Variants in COL27A1 observed in about 807,000 individuals in gnomAD.
The protein encoded by COL27A1 is collagen type XXVII alpha 1 chain.
A neutral mutation model predicts 251.3 loss-of-function variants in COL27A1; 106 were observed. The observed-to-expected ratio is 0.42, with a 90% CI of 0.36 to 0.50. COL27A1 has a LOEUF of 0.50. Among genes scored for constraint, COL27A1 ranks in the 20% least tolerant of loss-of-function variants. The pLI, the probability that COL27A1 is intolerant of heterozygous loss-of-function variation, is 0.00. For synonymous variants in COL27A1, 1,000 were observed against 986.3 expected, an observed-to-expected ratio of 1.01 and a Z score of -0.26; for missense variants, 2,325 against 2,522.8, an observed-to-expected ratio of 0.92 and a Z score of 1.68.
At chr9:114,263,470 C>T (rs1446102926) in intron 28 of COL27A1, among the ~76,000 whole-genome samples, 1 of 151,990 alleles carries the variant, frequency 6.6e-6, no homozygotes, top group Admixed American at 6.6e-5. Context: ...ACAGCCTGCT[C>T]TGTTTTCCAC....
chr9:114,292,080 A>G, intron 48 of COL27A1, 23 bp from the exon 49 acceptor site: 5 of 1,547,806 alleles, frequency 3.2e-6, no homozygotes, highest in Non-Finnish European at 4.4e-6. Flanking sequence ...TTTGACTGGT[A>G]ATTTTTTGTG....
chr9:114,207,865 A>G (rs1401259213), intron 10 of COL27A1, among the ~76,000 whole-genome samples: 1 of 152,146 alleles, frequency 6.6e-6, no homozygotes, highest in Non-Finnish European at 1.5e-5. Flanking sequence ...ATGGCAGTAA[A>G]TGGCACTCTT....
rs1834663430 is a variant in COL27A1 at position 114,265,324 on chromosome 9, G to A, written c.3340-98G>A. ...TTCCCATCTGTCACCCGGTGTGGGA[G>A]GAGGGGACCCAAATACACTAGGATG... On this transcript the variant is annotated intron_variant, in intron 31 of 60. Coordinates refer to ENST00000356083, the MANE Select transcript of COL27A1 (RefSeq NM_032888.4). The A allele has an allele frequency of 5.4e-6, 7 of 1,305,122 alleles. No homozygotes were observed. In the Admixed American group the frequency reaches 9.6e-5, roughly 18 times the overall value. 80.8% of individuals were successfully genotyped at this position (1,305,122 alleles called of 1,614,324 possible). A position where few individuals can be genotyped will look rare whatever the true frequency, so the allele number is the denominator to read the frequency against.
chr9:114,172,001 T>C (rs2808777), intron 3 of COL27A1, among the ~76,000 whole-genome samples: 38,582 of 152,022 alleles, frequency 0.25, 5,139 homozygotes, highest in Middle Eastern at 0.4. Context: ...TGGCCAGGGC[T>C]GAGGCTCTTT....
chr9:114,288,847 G>A, intron 43 of COL27A1, 67 bp from the exon 44 acceptor site: 1 of 1,607,170 alleles, frequency 6.2e-7, no homozygotes, highest in South Asian at 1.1e-5. Flanking sequence ...AACTTCCCAG[G>A]CTTCTGTGCT....
intron 49 of COL27A1, 48 bp from the exon 50 acceptor site, chr9:114,300,022 C>A: frequency 6.2e-7 from 1 of 1,601,398 alleles, no homozygotes; most frequent in Non-Finnish European, 8.6e-7. Context: ...TGGCGGGACA[C>A]GCTGACCATG....
chr9:114,167,954 C>G lies in COL27A1; in HGVS notation c.399C>G (p.Gly133=), dbSNP rs140539074. The G allele has an allele frequency of 6.2e-7, 1 of 1,608,476 alleles. No individual in the cohort carries two copies. Among genetic ancestry groups the G allele is most frequent in the East Asian group, 2.2e-5 (1 of 44,852 alleles). The change falls in exon 3 of 61, where the codon GGC becomes GGG. Residue 133 remains glycine (G), a synonymous_variant. Transcript: ENST00000356083. ...KLQLGLQFLP[G]KTVVHLGSRR... ...AGCTGGGCCTGCAGTTCCTCCCCGG[C>G]AAGACGGTCGTCCACCTCGGGTCCC...
intron 12 of COL27A1, chr9:114,217,725 A>G (rs914531812): frequency 4.3e-6 from 2 of 467,662 alleles, no homozygotes; most frequent in Non-Finnish European, 8.9e-6. Flanking sequence ...GCCCAGCCAG[A>G]CAACATTGCC....
chr9:114,248,334 A>G (rs1002366463), intron 24 of COL27A1, among the ~76,000 whole-genome samples: 31 of 152,230 alleles, frequency 2.0e-4, no homozygotes, highest in Admixed American at 1.3e-3. Context: ...AGTCCAGCTC[A>G]GGGTCCATAG....
intron 49 of COL27A1, among the ~76,000 whole-genome samples, chr9:114,297,769 A>G (rs1828353896): frequency 6.6e-6 from 1 of 152,210 alleles, no homozygotes; most frequent in Admixed American, 6.5e-5. Context: ...GGAGCAAGCC[A>G]AGGATGTCCA....
chr9:114,264,196 G>A (rs547461732), intron 28 of COL27A1, among the ~76,000 whole-genome samples, 159 bp from the exon 29 acceptor site: 100 of 152,232 alleles, frequency 6.6e-4, no homozygotes, highest in Non-Finnish European at 1.2e-3. Flanking sequence ...CTGCACGAGG[G>A]TGACCACCTC....
chr9:114,243,286 C>A (rs1832887542), intron 22 of COL27A1, among the ~76,000 whole-genome samples: 2 of 152,172 alleles, frequency 1.3e-5, no homozygotes. Flanking sequence ...GAAGACCAAC[C>A]CAGGGATGGG....
chr9:114,202,152 C>A (rs1405890830), intron 7 of COL27A1, among the ~76,000 whole-genome samples: 2 of 152,336 alleles, frequency 1.3e-5, no homozygotes, highest in South Asian at 4.1e-4. Flanking sequence ...TTAGCTGCAT[C>A]CTGAGTAAAA....
intron 12 of COL27A1, 22 bp downstream of exon 12, chr9:114,211,048 T>C (rs1830321981): frequency 2.5e-6 from 4 of 1,613,844 alleles, no homozygotes; most frequent in Non-Finnish European, 3.4e-6. Flanking sequence ...CCGTGTCTAT[T>C]ACGCAGACTC....
intron 12 of COL27A1, 76 bp downstream of exon 12, chr9:114,211,102 C>T (rs1830327996): frequency 8.3e-6 from 12 of 1,440,164 alleles, no homozygotes; most frequent in Non-Finnish European, 1.1e-5. Flanking sequence ...CCCTGGCCAC[C>T]TGCTGCCTGG....
At chr9:114,299,692 C>T (rs1828484308) in intron 49 of COL27A1, among the ~76,000 whole-genome samples, 2 of 152,210 alleles carry the variant, frequency 1.3e-5, no homozygotes, top group South Asian at 2.1e-4. Context: ...CCTCAGTGAA[C>T]TGGGTTATTT....
intron 31 of COL27A1, 117 bp downstream of exon 31, chr9:114,265,227 G>T: frequency 5.8e-6 from 7 of 1,206,214 alleles, no homozygotes; most frequent in Non-Finnish European, 7.2e-6. Context: ...TGGAAACCCC[G>T]CAGGTTCTGG....
At chr9:114,201,042 C>T (rs375581576) in intron 7 of COL27A1, among the ~76,000 whole-genome samples, 104 of 152,308 alleles carry the variant, frequency 6.8e-4, no homozygotes, top group African/African-American at 2.4e-3. Context: ...GACGGGGAGA[C>T]GGTTTGTAGC....
At position 114,281,713 on chromosome 9, in the gene COL27A1, C is replaced by T. The variant is rs977594629; in HGVS notation, c.3718-564C>T. 2.6e-5 allele frequency among the ~76,000 whole-genome samples: 4 copies of T among 152,296 alleles called. No individual in the cohort carries two copies. In the South Asian group the frequency reaches 8.3e-4, roughly 32 times the overall value. On this transcript the variant is annotated intron_variant, in intron 37 of 60. Transcript: ENST00000356083. ...TCATGTCATCAGTGGGGACCATGAGCCAGGGGTGGTAAGAGCCCTGGGCAT... is the reference window on the plus strand; with the variant it reads ...TCATGTCATCAGTGGGGACCATGAGTCAGGGGTGGTAAGAGCCCTGGGCAT...
Sources: gnomAD v4.1 joint callset for allele counts (sites outside exome capture counted in the v4.1 genomes callset) on GRCh38, gnomAD v4.1.1 for gene constraint, MANE v1.5 for transcripts, NCBI Gene and HGNC (gene_info 2026-07-23, HGNC 2026-07-21) for gene names.